Variants in C1orf21 observed in about 807,000 individuals in gnomAD.
C1orf21 encodes the protein uncharacterized protein C1orf21.
C1orf21 carries 3 observed loss-of-function variants against 18.7 expected under a neutral mutation model. That is an observed-to-expected ratio of 0.16 (90% confidence interval 0.07 to 0.42). The LOEUF (loss-of-function observed/expected upper bound fraction) is 0.42, where lower values mean the gene tolerates loss of function less well. C1orf21 is among the 10% of genes least tolerant of loss of function. The pLI is 0.99. For missense variants in C1orf21, 104 were observed against 143.6 expected (o/e 0.72, Z 1.41); for synonymous variants, 41 against 46.4 (o/e 0.88, Z 0.47).
intron 3 of C1orf21, among the ~76,000 whole-genome samples, chr1:184,583,951 C>T (rs1305799787): frequency 2.0e-5 from 3 of 152,110 alleles, no homozygotes; most frequent in Admixed American, 2.0e-4. Context: ...CGTCTGTCAT[C>T]TCGCAATTTA....
At chr1:184,612,394 T>G (rs1268136952) in intron 5 of C1orf21, among the ~76,000 whole-genome samples, 1 of 152,188 alleles carries the variant, frequency 6.6e-6, no homozygotes, top group Non-Finnish European at 1.5e-5. Flanking sequence ...GTTCTTTAAC[T>G]CAGAACTTTA....
chr1:184,548,216 C>CACACACACACAA (rs1408148097), intron 3 of C1orf21, among the ~76,000 whole-genome samples: 15 of 41,256 alleles, frequency 3.6e-4, no homozygotes, highest in Non-Finnish European at 5.6e-4. Flanking sequence ...AAATCCCCAA[C>CACACACACACAA]ACACACACAC....
intron 3 of C1orf21, among the ~76,000 whole-genome samples, chr1:184,511,697 T>C (rs183289435): frequency 7.9e-5 from 12 of 152,248 alleles, no homozygotes; most frequent in African/African-American, 2.6e-4. Context: ...AGGTAATACA[T>C]AAAGCAAGAG....
intron 1 of C1orf21, among the ~76,000 whole-genome samples, chr1:184,442,695 TC>T (rs1656967128): frequency 6.6e-6 from 1 of 152,338 alleles, no homozygotes; most frequent in African/African-American, 2.4e-5. Flanking sequence ...ACTCTGAGGA[TC>T]CCAACTTACT....
In C1orf21 at chr1:184,507,701, A is replaced by G. The variant is rs757243260; in HGVS notation, c.189+19A>G. Reference sequence around the variant, plus strand: ...AAACTTGGTAAGAATTGATTTTCTCACTTAACAATGAATTTTGGTGACACT... The same window carrying G: ...AAACTTGGTAAGAATTGATTTTCTCGCTTAACAATGAATTTTGGTGACACT... On this transcript the variant is annotated intron_variant, in intron 3 of 5. Transcript: ENST00000235307. 1 of 1,563,958 alleles carries G rather than the reference A, an allele frequency of 6.4e-7. No individual in the cohort carries two copies. The highest frequency in any genetic ancestry group is 1.2e-5 in the South Asian group (1 of 83,664).
intron 2 of C1orf21, among the ~76,000 whole-genome samples, chr1:184,480,210 C>G (rs1478767543): frequency 6.6e-6 from 1 of 152,074 alleles, no homozygotes; most frequent in Non-Finnish European, 1.5e-5. Flanking sequence ...ACTGAAAGAA[C>G]AAAACCTGTC....
intron 5 of C1orf21, among the ~76,000 whole-genome samples, chr1:184,604,942 A>G (rs1659629514): frequency 6.6e-6 from 1 of 152,250 alleles, no homozygotes; most frequent in Admixed American, 6.5e-5. Flanking sequence ...TCAGTTTCTA[A>G]TGCAACATAG....
chr1:184,572,990 C>T (rs1659134954), intron 3 of C1orf21, among the ~76,000 whole-genome samples: 1 of 151,624 alleles, frequency 6.6e-6, no homozygotes, highest in Non-Finnish European at 1.5e-5. Context: ...AAGTGGATGC[C>T]ACCTTGTATG....
At chr1:184,443,773 A>T (rs892058078) in intron 1 of C1orf21, among the ~76,000 whole-genome samples, 1 of 152,136 alleles carries the variant, frequency 6.6e-6, no homozygotes, top group African/African-American at 2.4e-5. Flanking sequence ...GCAGGCCAAG[A>T]TCCCATTGGT....
chr1:184,585,806 T>G (rs938753428), intron 3 of C1orf21, among the ~76,000 whole-genome samples: 73 of 152,350 alleles, frequency 4.8e-4, no homozygotes, highest in African/African-American at 1.7e-3. Flanking sequence ...ACCTCATTCT[T>G]TTTTATGGCT....
intron 1 of C1orf21, among the ~76,000 whole-genome samples, chr1:184,449,584 C>G (rs889968249): frequency 6.6e-6 from 1 of 152,034 alleles, no homozygotes; most frequent in Non-Finnish European, 1.5e-5. Flanking sequence ...ATGGCTGGGT[C>G]AAATGGTATT....
chr1:184,400,016 GA>G (rs1656123806), intron 1 of C1orf21, among the ~76,000 whole-genome samples: 1 of 119,878 alleles, frequency 8.3e-6, no homozygotes, highest in South Asian at 2.2e-4. Flanking sequence ...AAACCAACAA[GA>G]TTTTTTTTTT....
chr1:184,590,846 GT>G lies in C1orf21; in HGVS notation c.266+32del, dbSNP rs752307102. On this transcript the variant is annotated intron_variant, in intron 4 of 5. Coordinates refer to ENST00000235307, the MANE Select transcript of C1orf21 (RefSeq NM_030806.4). ...TTCTAGTTTCTGTTTTCCTTATATA[GT>G]CGGCCTTCCATATCCATGGATTCTG... 9 of 1,570,940 alleles carry G rather than the reference GT, an allele frequency of 5.7e-6. No individual in the cohort carries two copies. The East Asian group carries it at 2.0e-4, about 35-fold the overall frequency.
intron 3 of C1orf21, among the ~76,000 whole-genome samples, chr1:184,577,180 G>A (rs1659203346): frequency 6.6e-6 from 1 of 150,466 alleles, no homozygotes; most frequent in Non-Finnish European, 1.5e-5. Context: ...GCTTTCAGTG[G>A]ACACAGTATA....
At chr1:184,419,189 C>A (rs1571349160) in intron 1 of C1orf21, among the ~76,000 whole-genome samples, 1 of 152,116 alleles carries the variant, frequency 6.6e-6, no homozygotes, top group South Asian at 2.1e-4. Flanking sequence ...TTTCCTCTTT[C>A]CAAGCCTCTG....
intron 1 of C1orf21, among the ~76,000 whole-genome samples, chr1:184,427,697 C>T (rs759828125): frequency 6.6e-6 from 1 of 152,224 alleles, no homozygotes; most frequent in Non-Finnish European, 1.5e-5. Flanking sequence ...GACCCTCCAG[C>T]TCCAAAATAT....
chr1:184,523,119 T>C (rs530686675), intron 3 of C1orf21, among the ~76,000 whole-genome samples: 65 of 152,352 alleles, frequency 4.3e-4, no homozygotes, highest in Non-Finnish European at 5.9e-4. Flanking sequence ...TTTATGTAGA[T>C]AGTCTACCCT....
intron 2 of C1orf21, among the ~76,000 whole-genome samples, chr1:184,494,948 A>G (rs756992503): frequency 6.6e-6 from 1 of 151,972 alleles, no homozygotes; most frequent in African/African-American, 2.4e-5. Context: ...TCCAGGGCTC[A>G]GCTGTACCCA....
intron 3 of C1orf21, among the ~76,000 whole-genome samples, chr1:184,579,186 C>T (rs1659237698): frequency 6.8e-6 from 1 of 147,076 alleles, no homozygotes; most frequent in Non-Finnish European, 1.5e-5. Context: ...TACAGGAGTG[C>T]ACCACCATGC....
Sources: allele counts gnomAD v4.1 joint callset (sites outside exome capture counted in the v4.1 genomes callset), GRCh38; gene constraint gnomAD v4.1.1; transcripts MANE v1.5; gene names NCBI Gene and HGNC (gene_info 2026-07-23, HGNC 2026-07-21).